The following ZFPM2 variants were observed in gnomAD, a reference collection of about 807,000 sequenced individuals.
The protein encoded by ZFPM2 is zinc finger protein ZFPM2.
A neutral mutation model predicts 98.6 loss-of-function variants in ZFPM2; 20 were observed. The ratio of observed to expected loss-of-function variants is 0.20; its 90% CI spans 0.14 to 0.29. The LOEUF is 0.29. Among genes scored for constraint, ZFPM2 ranks in the 10% least tolerant of loss-of-function variants. The pLI is 1.00. For missense variants in ZFPM2, 1,310 were observed against 1,388.6 expected (o/e 0.94, Z 0.90); for synonymous variants, 518 against 502.7 (o/e 1.03, Z -0.41).
chr8:105,755,223 A>G (rs1277643979), intron 5 of ZFPM2, among the ~76,000 whole-genome samples: 2 of 152,280 alleles, frequency 1.3e-5, no homozygotes, highest in African/African-American at 4.8e-5. Flanking sequence ...TGATTTTCCA[A>G]CGCAAGTTTT....
At chr8:105,503,865 T>C (rs1334393538) in intron 3 of ZFPM2, among the ~76,000 whole-genome samples, 1 of 152,204 alleles carries the variant, frequency 6.6e-6, no homozygotes, top group Non-Finnish European at 1.5e-5. Flanking sequence ...AATGATTGAA[T>C]GATGAACTTG....
chr8:105,591,092 A>T (rs747227347), intron 4 of ZFPM2, among the ~76,000 whole-genome samples: 2 of 152,198 alleles, frequency 1.3e-5, no homozygotes, highest in Non-Finnish European at 2.9e-5. Context: ...TCGGAGCCTT[A>T]GCTTAATATT....
chr8:105,524,456 G>A (rs1020292459), intron 3 of ZFPM2, among the ~76,000 whole-genome samples: 2 of 151,342 alleles, frequency 1.3e-5, no homozygotes, highest in Non-Finnish European at 2.9e-5. Flanking sequence ...ATTCTTGGGT[G>A]TGTGTGTGTG....
At chr8:105,550,239 C>T (rs1814819516) in intron 3 of ZFPM2, among the ~76,000 whole-genome samples, 1 of 152,118 alleles carries the variant, frequency 6.6e-6, no homozygotes, top group Admixed American at 6.6e-5. Flanking sequence ...ACCCTGTGGC[C>T]CCGTCCTTCA....
At chr8:105,390,060 C>T (rs766721256) in intron 1 of ZFPM2, among the ~76,000 whole-genome samples, 2 of 152,104 alleles carry the variant, frequency 1.3e-5, no homozygotes, top group South Asian at 2.1e-4. Context: ...TAACTAGTCT[C>T]ATGTATTTTA....
chr8:105,662,121 C>A (rs1025419584), intron 5 of ZFPM2, among the ~76,000 whole-genome samples: 2 of 151,954 alleles, frequency 1.3e-5, no homozygotes, highest in Non-Finnish European at 2.9e-5. Context: ...AAACAACACG[C>A]GTGATGGAGG....
At chr8:105,686,631 A>G (rs1477482863) in intron 5 of ZFPM2, among the ~76,000 whole-genome samples, 1 of 152,186 alleles carries the variant, frequency 6.6e-6, no homozygotes, top group Non-Finnish European at 1.5e-5. Context: ...ATTGCATTAT[A>G]TAGTACAATG....
At chr8:105,347,182 G>C (rs1325861797) in intron 1 of ZFPM2, among the ~76,000 whole-genome samples, 1 of 151,492 alleles carries the variant, frequency 6.6e-6, no homozygotes, top group South Asian at 2.1e-4. Flanking sequence ...CGTATTGAAG[G>C]CACTTTTTAT....
At chr8:105,559,208 C>T (rs907007609) in intron 3 of ZFPM2, among the ~76,000 whole-genome samples, 2 of 152,164 alleles carry the variant, frequency 1.3e-5, no homozygotes, top group Non-Finnish European at 2.9e-5. Flanking sequence ...ATTCTGTATA[C>T]AGAAAACAAA....
chr8:105,708,932 C>T (rs561223180), intron 5 of ZFPM2, among the ~76,000 whole-genome samples: 7 of 152,246 alleles, frequency 4.6e-5, no homozygotes, highest in East Asian at 1.9e-4. Flanking sequence ...TTTACATTTT[C>T]GAACTCTTTT....
intron 3 of ZFPM2, among the ~76,000 whole-genome samples, chr8:105,536,690 A>G (rs1213894354): frequency 6.6e-6 from 1 of 152,194 alleles, no homozygotes; most frequent in African/African-American, 2.4e-5. Flanking sequence ...AGAAGATCAC[A>G]TACCATTAGC....
chr8:105,692,053 C>A (rs1730992300), intron 5 of ZFPM2, among the ~76,000 whole-genome samples: 1 of 152,208 alleles, frequency 6.6e-6, no homozygotes, highest in South Asian at 2.1e-4. Context: ...AAGTCATGCT[C>A]TTTTAGAGTC....
intron 2 of ZFPM2, among the ~76,000 whole-genome samples, chr8:105,424,140 C>T (rs189539345): frequency 5.3e-5 from 8 of 152,224 alleles, no homozygotes; most frequent in East Asian, 3.9e-4. Context: ...TCCCCCAAAA[C>T]GTATTGAATT....
intron 1 of ZFPM2, among the ~76,000 whole-genome samples, chr8:105,400,468 G>A (rs1050172356): frequency 6.6e-6 from 1 of 151,686 alleles, no homozygotes; most frequent in African/African-American, 2.4e-5. Flanking sequence ...CTGTGTCCAT[G>A]TGATCTCATT....
At chr8:105,601,884 G>A (rs1816100428) in intron 4 of ZFPM2, among the ~76,000 whole-genome samples, 1 of 152,078 alleles carries the variant, frequency 6.6e-6, no homozygotes, top group Non-Finnish European at 1.5e-5. Flanking sequence ...TATTAGAATT[G>A]CAGAGTATTT....
chr8:105,707,550 T>G (rs1423038312), intron 5 of ZFPM2, among the ~76,000 whole-genome samples: 1 of 152,112 alleles, frequency 6.6e-6, no homozygotes, highest in Non-Finnish European at 1.5e-5. Flanking sequence ...TGTCTGTTGG[T>G]CAGGGTAGGT....
chr8:105,544,214 G>C (rs1814641784), intron 3 of ZFPM2, among the ~76,000 whole-genome samples: 1 of 152,052 alleles, frequency 6.6e-6, no homozygotes, highest in Non-Finnish European at 1.5e-5. Context: ...TTAGAGAATG[G>C]TCAGTTCTAG....
At position 105,716,936 on chromosome 8, in the gene ZFPM2, C is replaced by T. The variant is rs527529141; in HGVS notation, c.533-71782C>T. On this transcript the variant is annotated intron_variant, in intron 5 of 7. Coordinates refer to ENST00000407775, the MANE Select transcript of ZFPM2 (RefSeq NM_012082.4). ...CAAATTCTCCAAGGGTGAAATCACA[C>T]ATCTTACCACTGGTGTGTGGAACAG... Among the ~76,000 whole-genome samples, 12 of 152,168 alleles carry T rather than the reference C, an allele frequency of 7.9e-5. No individual in the cohort carries two copies. In the South Asian group the frequency reaches 2.5e-3, roughly 32 times the overall value.
intron 4 of ZFPM2, among the ~76,000 whole-genome samples, chr8:105,570,603 G>A (rs182117587): frequency 3.3e-5 from 5 of 152,226 alleles, no homozygotes; most frequent in Admixed American, 3.3e-4. Context: ...ACCTGAATTT[G>A]TGCCCTTCCT....
Sources: allele counts gnomAD v4.1 joint callset (sites outside exome capture counted in the v4.1 genomes callset), GRCh38; gene constraint gnomAD v4.1.1; transcripts MANE v1.5; gene names NCBI Gene and HGNC (gene_info 2026-07-23, HGNC 2026-07-21).